Variants in CCDC7 observed in about 807,000 individuals in gnomAD.
CCDC7 encodes coiled-coil domain-containing protein 7.
Under a neutral mutation model 196.9 loss-of-function variants are expected in CCDC7, and 183 were observed. The ratio of observed to expected loss-of-function variants is 0.93; its 90% CI spans 0.82 to 1.05. The LOEUF (loss-of-function observed/expected upper bound fraction) is 1.05, where lower values mean the gene tolerates loss of function less well. CCDC7 is among the 50% of genes least tolerant of loss of function. The pLI, the probability that CCDC7 is intolerant of heterozygous loss-of-function variation, is 0.00. For synonymous variants in CCDC7, 525 were observed against 484.6 expected (o/e 1.08, Z -1.10); for missense variants, 1,540 against 1,482.2 (o/e 1.04, Z -0.64).
chr10:32,699,067 A>G (rs1029479781), intron 24 of CCDC7, among the ~76,000 whole-genome samples: 1 of 150,424 alleles, frequency 6.6e-6, no homozygotes, highest in Non-Finnish European at 1.5e-5. Flanking sequence ...CTTTTTTTTT[A>G]TTTTACTTTA....
intron 20 of CCDC7, among the ~76,000 whole-genome samples, chr10:32,662,125 A>G (rs1206243286): frequency 6.6e-6 from 1 of 152,152 alleles, no homozygotes; most frequent in African/African-American, 2.4e-5. Flanking sequence ...TTCTGCCATG[A>G]CAGGGTAGCA....
At chr10:32,851,593 G>A (rs1383844851) in intron 39 of CCDC7, among the ~76,000 whole-genome samples, 1 of 151,956 alleles carries the variant, frequency 6.6e-6, no homozygotes, top group Non-Finnish European at 1.5e-5. Context: ...CAATTCCAGT[G>A]TTTATTTATT....
chr10:32,543,594 A>G (rs1186827334), intron 12 of CCDC7, among the ~76,000 whole-genome samples: 1 of 152,092 alleles, frequency 6.6e-6, no homozygotes, highest in East Asian at 1.9e-4. Context: ...ATGGACTGGA[A>G]GAGGAGATTG....
intron 29 of CCDC7, among the ~76,000 whole-genome samples, chr10:32,788,769 C>T (rs1398571703): frequency 1.3e-5 from 2 of 152,232 alleles, no homozygotes; most frequent in Non-Finnish European, 2.9e-5. Flanking sequence ...AGTCATTCTC[C>T]ATGGACCCAG....
At chr10:32,679,117 A>T (rs1187510132) in intron 21 of CCDC7, among the ~76,000 whole-genome samples, 5 of 152,240 alleles carry the variant, frequency 3.3e-5, no homozygotes. Flanking sequence ...ATTAGAAAAT[A>T]AAAGTATTGA....
At chr10:32,616,572 C>A (rs933882493) in intron 18 of CCDC7, among the ~76,000 whole-genome samples, 4 of 147,802 alleles carry the variant, frequency 2.7e-5, no homozygotes, top group African/African-American at 7.5e-5. Context: ...TTGGTGAAGT[C>A]TTTAGGGTTT....
intron 20 of CCDC7, among the ~76,000 whole-genome samples, chr10:32,636,837 T>C (rs1474675339): frequency 6.6e-6 from 1 of 152,184 alleles, no homozygotes; most frequent in Non-Finnish European, 1.5e-5. Context: ...TAGTTTACAG[T>C]CCCACCAACA....
intron 3 of CCDC7, among the ~76,000 whole-genome samples, chr10:32,456,820 TC>T (rs1203669748): frequency 6.6e-6 from 1 of 152,112 alleles, no homozygotes; most frequent in Non-Finnish European, 1.5e-5. Context: ...GTCTTTTTTT[TC>T]ATATAATAGA....
At chr10:32,817,348 A>G (rs1593073134) in intron 31 of CCDC7, among the ~76,000 whole-genome samples, 3 of 152,234 alleles carry the variant, frequency 2.0e-5, no homozygotes, top group Admixed American at 6.5e-5. Context: ...GAAAAGACCA[A>G]ATCTACGTCT....
intron 20 of CCDC7, among the ~76,000 whole-genome samples, chr10:32,659,475 A>G (rs920762574): frequency 2.0e-4 from 31 of 152,342 alleles, no homozygotes; most frequent in African/African-American, 7.2e-4. Context: ...TACCTTGGAG[A>G]TACTGCAGGT....
intron 21 of CCDC7, among the ~76,000 whole-genome samples, chr10:32,678,605 C>T (rs1359884925): frequency 6.6e-6 from 1 of 152,138 alleles, no homozygotes; most frequent in East Asian, 1.9e-4. Context: ...TTCAGGTGAT[C>T]TAGCCATGCT....
chr10:32,667,425 T>C (rs991752017), intron 21 of CCDC7, among the ~76,000 whole-genome samples: 2 of 152,218 alleles, frequency 1.3e-5, no homozygotes, highest in African/African-American at 4.8e-5. Flanking sequence ...TTTGGTGTTT[T>C]AGACATGAAG....
intron 1 of CCDC7, among the ~76,000 whole-genome samples, 189 bp downstream of exon 2, chr10:32,452,110 C>T (rs532459236): frequency 1.3e-5 from 2 of 152,264 alleles, no homozygotes; most frequent in South Asian, 2.1e-4. Flanking sequence ...CCTTTAGAGT[C>T]ACCCAGGAGA....
chr10:32,673,384 A>G (rs2074377660), intron 21 of CCDC7, among the ~76,000 whole-genome samples: 1 of 152,096 alleles, frequency 6.6e-6, no homozygotes, highest in Admixed American at 6.6e-5. Context: ...GGGCATTGTA[A>G]CAATATTAAT....
intron 30 of CCDC7, among the ~76,000 whole-genome samples, chr10:32,811,571 A>C (rs2087123829): frequency 6.6e-6 from 1 of 152,116 alleles, no homozygotes; most frequent in Admixed American, 6.5e-5. Flanking sequence ...TGTATTTCAG[A>C]ATAGCTAGAG....
intron 32 of CCDC7, among the ~76,000 whole-genome samples, chr10:32,834,555 G>C (rs4644599): frequency 0.09 from 13,711 of 151,880 alleles, 866 homozygotes; most frequent in East Asian, 0.33. Flanking sequence ...AAGTTTTATA[G>C]TTAACTGTAT....
At chr10:32,466,210 C>T (rs2133793467) in intron 5 of CCDC7, among the ~76,000 whole-genome samples, 1 of 147,990 alleles carries the variant, frequency 6.8e-6, no homozygotes, top group Non-Finnish European at 1.5e-5. Context: ...GATATATGAT[C>T]TAAAGGTTTG....
intron 28 of CCDC7, among the ~76,000 whole-genome samples, chr10:32,773,923 T>A (rs915708536): frequency 2.0e-5 from 3 of 152,188 alleles, no homozygotes; most frequent in Non-Finnish European, 4.4e-5. Context: ...ATCACTGCCC[T>A]GTTGTTTTCA....
chr10:32,462,214 A>G (rs539440552), intron 3 of CCDC7, among the ~76,000 whole-genome samples: 113 of 152,218 alleles, frequency 7.4e-4, no homozygotes, highest in African/African-American at 2.6e-3. Context: ...TGTGGCCAGG[A>G]GTTCGAGACC....
Sources: allele counts gnomAD v4.1 joint callset (sites outside exome capture counted in the v4.1 genomes callset), GRCh38; gene constraint gnomAD v4.1.1; transcripts MANE v1.5; gene names NCBI Gene and HGNC (gene_info 2026-07-23, HGNC 2026-07-21).